Variants in MATR3 observed in about 807,000 individuals in gnomAD.
The protein encoded by MATR3 is matrin-3.
Under a neutral mutation model 85.5 loss-of-function variants are expected in MATR3, and 4 were observed. That is an observed-to-expected ratio of 0.05 (90% CI 0.02 to 0.11). The LOEUF is 0.11. MATR3 is among the 10% of genes least tolerant of loss of function. The pLI is 1.00. For missense variants in MATR3, 685 were observed against 1,016.1 expected (o/e 0.67, Z 4.43); for synonymous variants, 336 against 343.1 (o/e 0.98, Z 0.23).
At chr5:139,288,646 T>A (rs1300894048) in intron 3 of MATR3, among the ~76,000 whole-genome samples, 1 of 151,862 alleles carries the variant, frequency 6.6e-6, no homozygotes, top group Non-Finnish European at 1.5e-5. Flanking sequence ...AAACATCATC[T>A]CTTTTTTTTT....
At chr5:139,326,411 C>G in intron 14 of MATR3, 127 bp downstream of exon 14, 3 of 741,264 alleles carry the variant, frequency 4.0e-6, no homozygotes, top group Non-Finnish European at 6.2e-6. Flanking sequence ...CTGAAGATAA[C>G]TTTTTATTTA....
chr5:139,325,860 CTGT>C lies in MATR3; in HGVS notation c.2371+203_2371+205del, dbSNP rs763491533. On this transcript the variant is annotated intron_variant, in intron 13 of 14. Coordinates refer to ENST00000394805, the MANE Select transcript of MATR3 (RefSeq NM_018834.6). ...CATGTCTCTGATTTTGTATTATTTT[CTGT>C]TGTTATTCCACAATGTGTTCCCTTT... Among the ~76,000 whole-genome samples, 5 of 152,100 alleles carry C rather than the reference CTGT, an allele frequency of 3.3e-5. 1 individual carries two copies. The highest frequency in any genetic ancestry group is 6.5e-5 in the Admixed American group (1 of 15,270).
At chr5:139,285,188 G>A (rs935115549) in intron 3 of MATR3, 1 of 152,120 alleles carries the variant, frequency 6.6e-6, no homozygotes, top group Non-Finnish European at 1.5e-5. Context: ...CTAACATCTT[G>A]AAGGAACTAC....
chr5:139,323,381 T>C (rs1755678163), intron 12 of MATR3, among the ~76,000 whole-genome samples: 1 of 152,234 alleles, frequency 6.6e-6, no homozygotes, highest in Non-Finnish European at 1.5e-5. Context: ...TTGAATAATT[T>C]TTCCTATTTG....
Position 139,329,421 on chromosome 5 carries a change from C to T in MATR3, c.*26C>T, listed in dbSNP as rs1187745055. 1.9e-6 allele frequency: 3 copies of T among 1,585,548 alleles called. No homozygotes were observed. In the African/African-American group the frequency reaches 4.0e-5, roughly 21 times the overall value. On this transcript the variant is annotated 3_prime_UTR_variant, in exon 15 of 15. Coordinates refer to ENST00000394805, the MANE Select transcript of MATR3 (RefSeq NM_018834.6). Reference sequence around the variant, plus strand: ...GATGTGCAAGGAGATTTAATGATTTCAAAGAAAATAATGGTTCTTTGTTTT... The same window carrying T: ...GATGTGCAAGGAGATTTAATGATTTTAAAGAAAATAATGGTTCTTTGTTTT...
At chr5:139,274,466 G>A (rs1020538057) in intron 1 of MATR3, 3 of 199,026 alleles carry the variant, frequency 1.5e-5, no homozygotes, top group East Asian at 1.2e-4. Flanking sequence ...AACTGAGTCA[G>A]CCCCTTTAAC....
At chr5:139,280,026 G>T (rs747799556) in intron 3 of MATR3, 17 of 152,200 alleles carry the variant, frequency 1.1e-4, no homozygotes, top group Non-Finnish European at 1.6e-4. Flanking sequence ...CTGTTCTAGA[G>T]CAGGGATCAG....
upstream of MATR3, among the ~76,000 whole-genome samples, chr5:139,290,985 T>C (rs1195209680): frequency 1.3e-5 from 2 of 152,068 alleles, no homozygotes; most frequent in African/African-American, 4.8e-5. Context: ...CTTTCCTACA[T>C]CTCCAGCCCT....
In MATR3 at chr5:139,317,150, G is replaced by C. The variant is rs572909911; in HGVS notation, c.1182+45G>C. ...GTTTTACTGTATTTATGATTTTTGG[G>C]AATATGATTTGACCTAAATCCTTAC... On this transcript the variant is annotated intron_variant, in intron 6 of 14. Coordinates refer to ENST00000394805, the MANE Select transcript of MATR3 (RefSeq NM_018834.6). The C allele has an allele frequency of 8.2e-6, 13 of 1,576,042 alleles. No homozygotes were observed. The South Asian group carries it at 1.4e-4, about 18-fold the overall frequency.
chr5:139,278,712 C>T, intron 2 of MATR3: 1 of 468,848 alleles, frequency 2.1e-6, no homozygotes, highest in Admixed American at 2.1e-5. Flanking sequence ...CAATATTCAA[C>T]TGATACGTCT....
chr5:139,316,115 A>G lies in MATR3; in HGVS notation c.1056A>G (p.Ala352=), dbSNP rs1755229098. Residue 352 remains alanine, a synonymous_variant, in exon 5 of 15, where the codon GCA becomes GCG. Transcript: ENST00000394805. ...TGTTGCAGCAGTCTACAAATCCAGC[A>G]CCAGGAATTCTGGGACCTCCACCTC... is the stretch of plus-strand genomic sequence containing the variant. ...PFMLQQSTNP[A]PGILGPPPPS... 6.2e-7 allele frequency: 1 copy of G among 1,613,870 alleles called. No homozygotes were observed.
At chr5:139,275,062 G>A (rs1753218582) in intron 1 of MATR3, among the ~76,000 whole-genome samples, 1 of 149,904 alleles carries the variant, frequency 6.7e-6, no homozygotes, top group Non-Finnish European at 1.5e-5. Context: ...TGCAACCTCC[G>A]CCTCCTGGGT....
chr5:139,290,693 G>A (rs1407842634), upstream of MATR3, among the ~76,000 whole-genome samples: 8 of 151,716 alleles, frequency 5.3e-5, no homozygotes, highest in African/African-American at 9.7e-5. Context: ...TCAAGCGATC[G>A]GCCCACTTTA....
In MATR3 at chr5:139,331,000, A is replaced by T; in HGVS notation, c.*1605A>T. 2.2e-6 allele frequency: 1 copy of T among 454,084 alleles called. No homozygotes were observed. Among genetic ancestry groups the T allele is most frequent in the South Asian group, 1.6e-5 (1 of 64,474 alleles). The allele number at this position is 454,084 out of a possible 1,614,324, so 28.1% of individuals were successfully genotyped here. A position where few individuals can be genotyped will look rare whatever the true frequency, so the allele number is the denominator to read the frequency against. On this transcript the variant is annotated 3_prime_UTR_variant, in exon 15 of 15. Coordinates refer to ENST00000394805, the MANE Select transcript of MATR3 (RefSeq NM_018834.6). ...TAGATGGGGCTTTGCCATGTTGCCC[A>T]GGTTGATCTTGAATTCCTGGGCCCA... is the stretch of plus-strand genomic sequence containing the variant.
intron 2 of MATR3, among the ~76,000 whole-genome samples, chr5:139,276,968 C>T (rs1256202541): frequency 2.6e-5 from 4 of 152,110 alleles, no homozygotes; most frequent in Non-Finnish European, 5.9e-5. Flanking sequence ...ACTAATTTCT[C>T]CTTTGGGCTG....
chr5:139,329,741 A>G lies in MATR3; in HGVS notation c.*346A>G, dbSNP rs1042275321. 22 of 456,740 alleles carry G rather than the reference A, an allele frequency of 4.8e-5. No homozygotes were observed. Among genetic ancestry groups the G allele is most frequent in the African/African-American group, 3.6e-4 (18 of 50,112 alleles). 28.3% of individuals were successfully genotyped at this position (456,740 alleles called of 1,614,324 possible). On this transcript the variant is annotated 3_prime_UTR_variant, in exon 15 of 15. Transcript: ENST00000394805. ...AGTTCCAAGTTTCAAAGAAATGTCAACATTTTATTCCATTCAATAAAGAAC... is the reference window on the plus strand; with the variant it reads ...AGTTCCAAGTTTCAAAGAAATGTCAGCATTTTATTCCATTCAATAAAGAAC...
At chr5:139,322,378 A>G in intron 10 of MATR3, 85 bp from the exon 11 acceptor site, 3 of 1,246,146 alleles carry the variant, frequency 2.4e-6, no homozygotes, top group African/African-American at 1.5e-5. Flanking sequence ...TGAGTTGATT[A>G]TAGGGATTGT....
At chr5:139,279,088 C>T (rs771261809) in exon 3 of MATR3, 1 of 457,178 alleles carries the variant, frequency 2.2e-6, no homozygotes, top group South Asian at 1.5e-5. Context: ...CCATCAGGAC[C>T]CCAGATGTCT....
chr5:139,303,720 C>A (rs1385550509), intron 1 of MATR3, among the ~76,000 whole-genome samples: 2 of 152,036 alleles, frequency 1.3e-5, no homozygotes, highest in Non-Finnish European at 2.9e-5. Flanking sequence ...TCCACTCCAG[C>A]CTGGGCAATG....
Sources: gnomAD v4.1 joint callset for allele counts (sites outside exome capture counted in the v4.1 genomes callset) on GRCh38, gnomAD v4.1.1 for gene constraint, MANE v1.5 for transcripts, NCBI Gene and HGNC (gene_info 2026-07-23, HGNC 2026-07-21) for gene names.